CYTH4: variants seen among roughly 807,000 people sequenced by gnomAD.
CYTH4 encodes cytohesin 4.
CYTH4 carries 22 observed loss-of-function variants against 57.5 expected under a neutral mutation model. The observed-to-expected ratio is 0.38, with a 90% CI of 0.27 to 0.55. The LOEUF (loss-of-function observed/expected upper bound fraction) is 0.55, where lower values mean the gene tolerates loss of function less well. Among genes scored for constraint, CYTH4 ranks in the 20% least tolerant of loss-of-function variants. CYTH4 has a pLI of 0.74. For missense variants in CYTH4, 420 were observed against 535.6 expected, an observed-to-expected ratio of 0.78 and a Z score of 2.13; for synonymous variants, 186 against 206.5, an observed-to-expected ratio of 0.90 and a Z score of 0.85.
rs1045206542 is a variant in CYTH4 at position 37,298,682 on chromosome 22, T to A, written c.354-544T>A. Among the ~76,000 whole-genome samples, 1 of 151,794 alleles carries A rather than the reference T, an allele frequency of 6.6e-6. No individual in the cohort carries two copies. Among genetic ancestry groups the A allele is most frequent in the African/African-American group, 2.4e-5 (1 of 41,270 alleles). The stretch of plus-strand genomic sequence containing the variant: ...GGGAGCGCTCTGGGCAAAGGACTGG[T>A]CTGAGGGGTGGGCGAGTGGATAGGG... On this transcript the variant is annotated intron_variant, in intron 5 of 12. Transcript: ENST00000248901. This position sits in a 1 kb window ranked among gnomAD's most constrained non-coding sequence, Gnocchi z 4.1.
intron 9 of CYTH4, 126 bp downstream of exon 9, chr22:37,309,449 A>T (rs1489179139): frequency 8.5e-6 from 7 of 822,708 alleles, no homozygotes; most frequent in African/African-American, 1.7e-5. Context: ...ATCCTGGGGG[A>T]TGGAGTTGGA....
chr22:37,303,827 C>A (rs1601707193), intron 8 of CYTH4, among the ~76,000 whole-genome samples: 1 of 152,192 alleles, frequency 6.6e-6, no homozygotes, highest in Admixed American at 6.5e-5. Flanking sequence ...GAGGAGGAAA[C>A]TGAGGTCTTC....
At chr22:37,310,830 G>A (rs1929609748) in intron 9 of CYTH4, among the ~76,000 whole-genome samples, 158 bp from the exon 10 acceptor site, 1 of 152,188 alleles carries the variant, frequency 6.6e-6, no homozygotes, top group African/African-American at 2.4e-5. Flanking sequence ...GTTCTTGTTT[G>A]AGAAAGGGAT....
chr22:37,294,838 G>A (rs945051193), intron 3 of CYTH4, 114 bp downstream of exon 3: 85 of 1,294,334 alleles, frequency 6.6e-5, no homozygotes, highest in Non-Finnish European at 8.5e-5. Flanking sequence ...TGAAATCAGG[G>A]ATTGGCCAGG....
At chr22:37,292,856 A>G (rs938393343) in intron 2 of CYTH4, among the ~76,000 whole-genome samples, 153 bp downstream of exon 2, 2 of 152,114 alleles carry the variant, frequency 1.3e-5, no homozygotes, top group Admixed American at 1.3e-4. Context: ...AGCAGGGAGA[A>G]CAACAAGACT....
chr22:37,290,317 C>T (rs1334278719), intron 1 of CYTH4, among the ~76,000 whole-genome samples: 3 of 152,156 alleles, frequency 2.0e-5, no homozygotes, highest in Non-Finnish European at 4.4e-5. Context: ...CCCCAGTGTA[C>T]AGTTGTTGGA....
chr22:37,309,562 C>T (rs915160715), intron 9 of CYTH4, among the ~76,000 whole-genome samples: 2 of 152,286 alleles, frequency 1.3e-5, no homozygotes, highest in Admixed American at 1.3e-4. Flanking sequence ...AGCTGTAAGC[C>T]GGGCGAGAGG....
rs1929627803 is a variant in CYTH4 at position 37,311,198 on chromosome 22, T to C, written c.885+134T>C. 4.6e-6 allele frequency: 5 copies of C among 1,081,928 alleles called. No homozygotes were observed. The Admixed American group carries it at 7.9e-5, about 17-fold the overall frequency. 67.0% of individuals were successfully genotyped at this position (1,081,928 alleles called of 1,614,324 possible). ...CATTCAGTCCCCCTCCATGCCCATT[T>C]TACAGATGGGGAAAACGGGTACACA... On this transcript the variant is annotated intron_variant, in intron 10 of 12. Transcript: ENST00000248901. This position sits in a 1 kb window ranked among gnomAD's most constrained non-coding sequence, Gnocchi z 4.4.
intron 8 of CYTH4, among the ~76,000 whole-genome samples, chr22:37,307,740 C>A (rs766040223): frequency 6.6e-5 from 10 of 152,232 alleles, no homozygotes; most frequent in Non-Finnish European, 1.3e-4. Flanking sequence ...TGATTTCATC[C>A]TCTGAGATAA....
At chr22:37,310,397 A>T (rs916637624) in intron 9 of CYTH4, among the ~76,000 whole-genome samples, 15 of 152,068 alleles carry the variant, frequency 9.9e-5, no homozygotes, top group African/African-American at 3.6e-4. Context: ...AGATGGGGAG[A>T]ATGATCTCTG....
chr22:37,310,423 C>A (rs930773298), intron 9 of CYTH4, among the ~76,000 whole-genome samples: 5 of 152,110 alleles, frequency 3.3e-5, no homozygotes, highest in African/African-American at 1.2e-4. Flanking sequence ...GTTAAATGTG[C>A]GGCAAAATGG....
At position 37,299,298 on chromosome 22, in the gene CYTH4, G is replaced by A; in HGVS notation, c.426G>A (p.Gln142=). The change falls in exon 6 of 13, where the codon CAG becomes CAA. Residue 142 remains glutamine, a synonymous_variant. Coordinates refer to ENST00000248901, the MANE Select transcript of CYTH4 (RefSeq NM_013385.5). ...AGTTCGCCAACCTCAACCTCGTCCA[G>A]GCCCTCAGGTGAGTAGTCCTGGGGC... is the stretch of plus-strand genomic sequence containing the variant. ...CHEFANLNLV[Q]ALRQFLWSFR... 2 of 1,613,846 alleles carry A rather than the reference G, an allele frequency of 1.2e-6. No homozygotes were observed. The highest frequency in any genetic ancestry group is 1.7e-5 in the Admixed American group (1 of 60,024).
chr22:37,314,395 T>A lies in CYTH4; in HGVS notation c.*884T>A, dbSNP rs148209779. 183 of 398,610 alleles carry A rather than the reference T, an allele frequency of 4.6e-4. No homozygotes were observed. In the East Asian group the frequency reaches 6.5e-3, roughly 14 times the overall value. The allele number at this position is 398,610 out of a possible 1,614,324, so 24.7% of individuals were successfully genotyped here. Reference sequence around the variant, plus strand: ...AATGACGGAGAACATCCCAGACAGATGGGACTCAAGCAGGATGGGTGCTAT... The same window carrying A: ...AATGACGGAGAACATCCCAGACAGAAGGGACTCAAGCAGGATGGGTGCTAT... On this transcript the variant is annotated 3_prime_UTR_variant, in exon 13 of 13. Transcript: ENST00000248901.
intron 2 of CYTH4, among the ~76,000 whole-genome samples, chr22:37,293,977 C>T (rs888818181): frequency 2.0e-5 from 3 of 151,488 alleles, no homozygotes; most frequent in Non-Finnish European, 4.4e-5. Flanking sequence ...GCGTGGTGTC[C>T]CCGTAGTACC....
rs1024833826 is a variant in CYTH4, at chr22:37,300,989, C to T, written c.517C>T (p.Leu173Phe). The change falls in exon 7 of 13, where the codon CTC becomes TTC. Residue 173 changes from leucine to phenylalanine, a missense_variant. By Grantham distance (22) the Leu-to-Phe change is conservative (BLOSUM62 0). Coordinates refer to ENST00000248901, the MANE Select transcript of CYTH4 (RefSeq NM_013385.5). ...GGAGGCCTTTGCCACTCGATACTGC[C>T]TCTGCAACCCAGGCGTCTTCCAGTC... ...MMEAFATRYC[L>F]CNPGVFQSTD... is the part of the protein sequence containing the mutation. The T allele has an allele frequency of 1.2e-6, 2 of 1,614,090 alleles. No homozygotes were observed. The highest frequency in any genetic ancestry group is 1.7e-6 in the Non-Finnish European group (2 of 1,180,030).
chr22:37,307,664 A>G (rs1283590862), intron 8 of CYTH4, among the ~76,000 whole-genome samples: 1 of 152,258 alleles, frequency 6.6e-6, no homozygotes, highest in Non-Finnish European at 1.5e-5. Flanking sequence ...TTCACTTAAA[A>G]TCTCGAAGAA....
intron 8 of CYTH4, among the ~76,000 whole-genome samples, chr22:37,306,659 A>C (rs150267482): frequency 6.6e-6 from 1 of 152,328 alleles, no homozygotes; most frequent in African/African-American, 2.4e-5. Flanking sequence ...TGCCTTCAGA[A>C]ATGCTGGCTT....
chr22:37,292,675 A>T lies in CYTH4; in HGVS notation c.74A>T (p.His25Leu). 1 of 1,613,838 alleles carries T rather than the reference A, an allele frequency of 6.2e-7. No individual in the cohort carries two copies. Among genetic ancestry groups the T allele is most frequent in the Non-Finnish European group, 8.5e-7 (1 of 1,179,954 alleles). The part of the protein sequence containing the change: ...ETEELQRIKW[H>L]RKQLLEDIQK... ...GAAGAGTTACAGAGGATCAAGTGGCACCGAAAGCAGCTCCTGGAGGACATC... is the reference window on the plus strand; with the variant it reads ...GAAGAGTTACAGAGGATCAAGTGGCTCCGAAAGCAGCTCCTGGAGGACATC... Residue 25 changes from histidine to leucine, a missense_variant, in exon 2 of 13, where the codon CAC (histidine) becomes CTC (leucine). Transcript: ENST00000248901.
intron 8 of CYTH4, among the ~76,000 whole-genome samples, chr22:37,308,463 AGT>A (rs138404779): frequency 0.066 from 8,525 of 129,278 alleles, 391 homozygotes; most frequent in East Asian, 0.18. Context: ...CATGTATATA[AGT>A]GTGTGTGTAT....
Sources: gnomAD v4.1 joint callset for allele counts (sites outside exome capture counted in the v4.1 genomes callset) on GRCh38, gnomAD v4.1.1 for gene constraint, Gnocchi (gnomAD v3.1) non-coding constraint, MANE v1.5 for transcripts, NCBI Gene and HGNC (gene_info 2026-07-23, HGNC 2026-07-21) for gene names.